The following ASXL3 variants were observed in gnomAD, a reference collection of about 807,000 sequenced individuals.
ASXL3 encodes putative Polycomb group protein ASXL3.
Under a neutral mutation model 170.6 loss-of-function variants are expected in ASXL3, and 34 were observed. The ratio of observed to expected loss-of-function variants is 0.20; its 90% CI spans 0.15 to 0.27. The LOEUF is 0.27. ASXL3 is among the 10% of genes least tolerant of loss of function. The probability of loss-of-function intolerance (pLI) is 1.00; values close to 1 mark genes in which losing one functional copy is unlikely to be tolerated. For missense variants in ASXL3, 2,592 were observed against 2,695.3 expected, an observed-to-expected ratio of 0.96 and a Z score of 0.85; for synonymous variants, 1,002 against 989.1, an observed-to-expected ratio of 1.01 and a Z score of -0.24.
intron 8 of ASXL3, among the ~76,000 whole-genome samples, chr18:33,730,656 G>A (rs950143239): frequency 6.6e-6 from 1 of 151,760 alleles, no homozygotes; most frequent in Non-Finnish European, 1.5e-5. Flanking sequence ...AACCCAGGCG[G>A]GTGAAAAGCA....
At chr18:33,701,274 G>A (rs1224785764) in intron 8 of ASXL3, among the ~76,000 whole-genome samples, 1 of 151,648 alleles carries the variant, frequency 6.6e-6, no homozygotes, top group Non-Finnish European at 1.5e-5. Context: ...GTCTATTCTG[G>A]GTCCCTGAAT....
chr18:33,648,942 G>A (rs1220145160), intron 4 of ASXL3, among the ~76,000 whole-genome samples: 1 of 152,032 alleles, frequency 6.6e-6, no homozygotes, highest in African/African-American at 2.4e-5. Context: ...GATGAATTTG[G>A]CAGTGGTAAT....
At chr18:33,694,482 A>G (rs1040568192) in intron 8 of ASXL3, among the ~76,000 whole-genome samples, 1 of 152,050 alleles carries the variant, frequency 6.6e-6, no homozygotes, top group Non-Finnish European at 1.5e-5. Context: ...TCTGTCATCG[A>G]TATCATTTTT....
chr18:33,679,048 T>A (rs2066474565), intron 7 of ASXL3, among the ~76,000 whole-genome samples: 1 of 151,136 alleles, frequency 6.6e-6, no homozygotes, highest in South Asian at 2.2e-4. Context: ...ATTTCTCACA[T>A]TGCTCATAAC....
At chr18:33,740,511 CAAGAG>C in intron 11 of ASXL3, 68 bp downstream of exon 11, 1 of 1,382,308 alleles carries the variant, frequency 7.2e-7, no homozygotes. Flanking sequence ...CCTAATTTTT[CAAGAG>C]TAATTAGATT....
At chr18:33,657,812 T>C (rs1055348847) in intron 4 of ASXL3, among the ~76,000 whole-genome samples, 5 of 152,154 alleles carry the variant, frequency 3.3e-5, no homozygotes, top group Admixed American at 3.3e-4. Context: ...CTTTTAACTA[T>C]GCTTTTGGCT....
At chr18:33,633,375 C>T (rs1384208909) in intron 2 of ASXL3, among the ~76,000 whole-genome samples, 2 of 152,074 alleles carry the variant, frequency 1.3e-5, no homozygotes, top group African/African-American at 4.8e-5. Flanking sequence ...AATTATGATA[C>T]AGTACATATA....
intron 4 of ASXL3, among the ~76,000 whole-genome samples, chr18:33,650,918 C>A (rs1183874646): frequency 6.6e-6 from 1 of 152,106 alleles, no homozygotes; most frequent in Non-Finnish European, 1.5e-5. Context: ...CCTTAGGACA[C>A]ATTTTCAAAC....
intron 2 of ASXL3, among the ~76,000 whole-genome samples, chr18:33,628,807 A>G (rs2065636943): frequency 6.6e-6 from 1 of 152,152 alleles, no homozygotes; most frequent in Non-Finnish European, 1.5e-5. Context: ...GGTACATATG[A>G]CAGAGATGTG....
intron 8 of ASXL3, among the ~76,000 whole-genome samples, chr18:33,699,470 T>C (rs7231911): frequency 0.56 from 85,364 of 151,912 alleles, 24,368 homozygotes; most frequent in East Asian, 0.87. Flanking sequence ...GAAGATGGAG[T>C]GATAGAGATT....
intron 2 of ASXL3, among the ~76,000 whole-genome samples, chr18:33,608,884 G>T (rs1041081885): frequency 1.3e-5 from 2 of 151,948 alleles, no homozygotes; most frequent in Admixed American, 6.6e-5. Context: ...TGTTTAAAAT[G>T]TATTATTTAG....
At chr18:33,660,601 A>T (rs1195346972) in intron 4 of ASXL3, among the ~76,000 whole-genome samples, 1 of 152,098 alleles carries the variant, frequency 6.6e-6, no homozygotes, top group African/African-American at 2.4e-5. Flanking sequence ...TTTTTTTACA[A>T]TATGTTCTCA....
rs770448409 is a variant in ASXL3, at chr18:33,743,329, G to A, written c.3481G>A (p.Val1161Ile). The A allele has an allele frequency of 6.2e-7, 1 of 1,613,818 alleles. No individual in the cohort carries two copies. The highest frequency in any genetic ancestry group is 2.2e-5 in the East Asian group (1 of 44,880). Residue 1161 changes from valine (V) to isoleucine (I), a missense_variant, in exon 12 of 12, where the codon GTC becomes ATC. Physicochemically the swap from Val to Ile is conservative, Grantham distance 29. Transcript: ENST00000269197. Reference sequence around the variant, plus strand: ...GGAAGGTTCGACTGGTGTCATTATTGTCAATCCAAACTGTAGATCTCCTAG... The same window carrying A: ...GGAAGGTTCGACTGGTGTCATTATTATCAATCCAAACTGTAGATCTCCTAG... The part of the protein sequence containing the change: ...KMEGSTGVII[V>I]NPNCRSPSNK...
At chr18:33,686,812 CAT>C (rs2066604831) in intron 8 of ASXL3, among the ~76,000 whole-genome samples, 1 of 152,116 alleles carries the variant, frequency 6.6e-6, no homozygotes, top group Admixed American at 6.6e-5. Context: ...AGTTTAAACA[CAT>C]GTTTTCGTGC....
intron 5 of ASXL3, among the ~76,000 whole-genome samples, 165 bp downstream of exon 5, chr18:33,661,902 A>C (rs1327762076): frequency 6.6e-6 from 1 of 152,026 alleles, no homozygotes; most frequent in African/African-American, 2.4e-5. Context: ...TGTGATAAAA[A>C]AAAACTAGGA....
intron 1 of ASXL3, among the ~76,000 whole-genome samples, chr18:33,599,158 A>G (rs188156672): frequency 6.6e-6 from 1 of 152,280 alleles, no homozygotes; most frequent in African/African-American, 2.4e-5. Context: ...GAAGCGGAAG[A>G]TCATATCCCT....
chr18:33,680,881 C>A (rs1046119110), intron 7 of ASXL3, among the ~76,000 whole-genome samples: 7 of 151,918 alleles, frequency 4.6e-5, no homozygotes, highest in Admixed American at 1.3e-4. Flanking sequence ...TTCTAAGCAG[C>A]AAGTAAATGG....
chr18:33,701,348 G>A (rs1304791137), intron 8 of ASXL3, among the ~76,000 whole-genome samples: 2 of 151,956 alleles, frequency 1.3e-5, no homozygotes, highest in East Asian at 3.9e-4. Context: ...AATTTTGATA[G>A]GAATTGCTTT....
At position 33,748,380 on chromosome 18, in the gene ASXL3, A is replaced by G. The variant is rs571300637; in HGVS notation, c.*1785A>G. 2 of 152,278 alleles carry G rather than the reference A, an allele frequency of 1.3e-5. No individual in the cohort carries two copies. Among genetic ancestry groups the G allele is most frequent in the East Asian group, 3.9e-4 (2 of 5,176 alleles). The allele number at this position is 152,278 out of a possible 1,614,324, so 9.4% of individuals were successfully genotyped here. A position where few individuals can be genotyped will look rare whatever the true frequency, so the allele number is the denominator to read the frequency against. On this transcript the variant is annotated 3_prime_UTR_variant, in exon 12 of 12. Coordinates refer to ENST00000269197, the MANE Select transcript of ASXL3 (RefSeq NM_030632.3). Reference sequence around the variant, plus strand: ...TTAGGTGATAGAGACATCATTTCGAATAACAAATTGCTGATAGTGAGAGGT... The same window carrying G: ...TTAGGTGATAGAGACATCATTTCGAGTAACAAATTGCTGATAGTGAGAGGT...
Sources: gnomAD v4.1 joint callset for allele counts (sites outside exome capture counted in the v4.1 genomes callset) on GRCh38, gnomAD v4.1.1 for gene constraint, MANE v1.5 for transcripts, NCBI Gene and HGNC (gene_info 2026-07-23, HGNC 2026-07-21) for gene names.